Variants in BACH2 observed in about 807,000 individuals in gnomAD.
The protein encoded by BACH2 is transcription regulator protein BACH2.
BACH2 carries 5 observed loss-of-function variants against 61.8 expected under a neutral mutation model. The observed-to-expected ratio is 0.08, with a 90% CI of 0.04 to 0.17. The LOEUF (loss-of-function observed/expected upper bound fraction) is 0.17. Ranked by LOEUF, BACH2 falls within the 10% of genes least tolerant of loss-of-function variation. BACH2 has a pLI of 1.00. For synonymous variants in BACH2, 446 were observed against 440.1 expected, an observed-to-expected ratio of 1.01 and a Z score of -0.17; for missense variants, 824 against 1,091.1, an observed-to-expected ratio of 0.76 and a Z score of 3.45.
intron 4 of BACH2, among the ~76,000 whole-genome samples, chr6:90,129,782 A>G (rs769930128): frequency 6.6e-6 from 1 of 152,094 alleles, no homozygotes; most frequent in Non-Finnish European, 1.5e-5. Flanking sequence ...CTGTTGGTGT[A>G]AAGGAATGCT....
chr6:90,152,843 T>C (rs1276202506), intron 4 of BACH2, among the ~76,000 whole-genome samples: 1 of 152,208 alleles, frequency 6.6e-6, no homozygotes, highest in East Asian at 1.9e-4. Flanking sequence ...TACTGTCAGT[T>C]ATAGCGCTAA....
chr6:90,173,319 AAT>A (rs1767879798), intron 4 of BACH2, among the ~76,000 whole-genome samples: 1 of 152,192 alleles, frequency 6.6e-6, no homozygotes, highest in Admixed American at 6.5e-5. Flanking sequence ...TGAATTAAAA[AAT>A]AGACAACATA....
intron 4 of BACH2, among the ~76,000 whole-genome samples, chr6:90,197,282 A>G (rs530981265): frequency 1.1e-4 from 17 of 152,360 alleles, no homozygotes; most frequent in African/African-American, 4.1e-4. Flanking sequence ...ACTTAAATTA[A>G]TAAACTGGAT....
intron 4 of BACH2, among the ~76,000 whole-genome samples, chr6:90,090,086 T>C (rs1017134626): frequency 1.3e-5 from 2 of 152,156 alleles, no homozygotes; most frequent in African/African-American, 2.4e-5. Context: ...ATACTCAAAG[T>C]ATTGCTTCTA....
intron 4 of BACH2, among the ~76,000 whole-genome samples, chr6:90,091,914 G>A (rs1161607547): frequency 6.6e-6 from 1 of 152,038 alleles, no homozygotes; most frequent in Non-Finnish European, 1.5e-5. Context: ...TGATAATTAG[G>A]TGTCAACGCA....
intron 4 of BACH2, among the ~76,000 whole-genome samples, chr6:90,204,668 G>A (rs906849895): frequency 2.6e-5 from 4 of 152,136 alleles, no homozygotes; most frequent in African/African-American, 9.7e-5. Context: ...AGCTGTCACA[G>A]CAAACTGCAT....
At chr6:90,052,985 T>C (rs1290352722) in intron 5 of BACH2, among the ~76,000 whole-genome samples, 1 of 152,162 alleles carries the variant, frequency 6.6e-6, no homozygotes, top group East Asian at 1.9e-4. Context: ...CTTTATGTAT[T>C]TTTTCTTTCT....
Position 89,927,977 on chromosome 6 carries a change from G to C in BACH2, c.*4431C>G, listed in dbSNP as rs754725886. On this transcript the variant is annotated 3_prime_UTR_variant, in exon 9 of 9. Transcript: ENST00000257749. Reference sequence around the variant, plus strand: ...ATACACTTTCAACACACAATGCCTCGTGCACACAGATTTCCTGTATGAATA... The same window carrying C: ...ATACACTTTCAACACACAATGCCTCCTGCACACAGATTTCCTGTATGAATA... 1 of 152,252 alleles carries C rather than the reference G, an allele frequency of 6.6e-6. No homozygotes were observed. The highest frequency in any genetic ancestry group is 1.5e-5 in the Non-Finnish European group (1 of 68,034). 9.4% of individuals were successfully genotyped at this position (152,252 alleles called of 1,614,324 possible).
At position 89,951,137 on chromosome 6, in the gene BACH2, T is replaced by A; in HGVS notation, c.969A>T (p.Pro323=). The change falls in exon 7 of 9, where the codon CCA becomes CCT. Residue 323 remains proline, a synonymous_variant. Transcript: ENST00000257749. The surrounding 1 kb of genome is among the most constrained non-coding windows in gnomAD (Gnocchi z 6.4). ...QPSPAPTPTA[P]AGAACLERSR... is the part of the protein sequence containing the mutation. ...ATCTCTCCAGGCAGGCGGCCCCAGC[T>A]GGGGCCGTGGGGGTAGGGGCAGGGC... is the stretch of plus-strand genomic sequence containing the variant. 6.2e-7 allele frequency: 1 copy of A among 1,609,424 alleles called. No homozygotes were observed. Among genetic ancestry groups the A allele is most frequent in the Non-Finnish European group, 8.5e-7 (1 of 1,178,316 alleles).
At chr6:89,978,182 G>T (rs1022490798) in intron 6 of BACH2, among the ~76,000 whole-genome samples, 1 of 152,180 alleles carries the variant, frequency 6.6e-6, no homozygotes, top group African/African-American at 2.4e-5. Context: ...ATATAGAGTG[G>T]AGACAAAGAG....
intron 5 of BACH2, among the ~76,000 whole-genome samples, chr6:90,028,351 A>G (rs1362652020): frequency 6.6e-6 from 1 of 152,240 alleles, no homozygotes; most frequent in Non-Finnish European, 1.5e-5. Context: ...TTCTCATCTG[A>G]TAACATTTCC....
At chr6:90,257,639 G>A (rs941707589) in intron 2 of BACH2, among the ~76,000 whole-genome samples, 9 of 152,136 alleles carry the variant, frequency 5.9e-5, no homozygotes. Context: ...CCAAATACAT[G>A]ATTTACAATA....
chr6:90,043,512 C>T (rs1417428320), intron 5 of BACH2, among the ~76,000 whole-genome samples: 1 of 151,374 alleles, frequency 6.6e-6, no homozygotes, highest in Non-Finnish European at 1.5e-5. Context: ...CCCTTCCTCC[C>T]TCCCTTCCTC....
At position 89,951,049 on chromosome 6, in the gene BACH2, G is replaced by C; in HGVS notation, c.1057C>G (p.Leu353Val). 1.2e-6 allele frequency: 2 copies of C among 1,610,998 alleles called. No individual in the cohort carries two copies. Among genetic ancestry groups the C allele is most frequent in the South Asian group, 2.2e-5 (2 of 90,560 alleles). The change falls in exon 7 of 9, where the codon CTG becomes GTG. Residue 353 changes from leucine (L) to valine (V), a missense_variant. By Grantham distance (32) the Leu-to-Val change is conservative (BLOSUM62 1). Coordinates refer to ENST00000257749, the MANE Select transcript of BACH2 (RefSeq NM_021813.4). This position sits in a 1 kb window ranked among gnomAD's most constrained non-coding sequence, Gnocchi z 6.4. ...TGAGATGTACTGGGCAGGCCAGACA[G>C]CTCCACACTTTTCGTTATGCTGAAC... The part of the protein sequence containing the change: ...SLFSITKSVE[L>V]SGLPSTSQQH...
intron 4 of BACH2, among the ~76,000 whole-genome samples, chr6:90,106,991 C>G (rs1217185974): frequency 6.6e-6 from 1 of 150,534 alleles, no homozygotes; most frequent in Non-Finnish European, 1.5e-5. Context: ...TGTTATTTGA[C>G]ATGGTTTCAG....
chr6:90,248,871 C>T (rs1770717283), intron 3 of BACH2, among the ~76,000 whole-genome samples: 3 of 152,078 alleles, frequency 2.0e-5, no homozygotes, highest in African/African-American at 7.2e-5. Flanking sequence ...CTACCCTGTC[C>T]CAAGGGCCCA....
chr6:90,296,291 C>A (rs556130845), intron 1 of BACH2, among the ~76,000 whole-genome samples, 189 bp downstream of exon 1: 6 of 151,788 alleles, frequency 4.0e-5, no homozygotes, highest in South Asian at 2.1e-4. Context: ...CACCCCCTTC[C>A]CGTTCCTAGA....
intron 3 of BACH2, among the ~76,000 whole-genome samples, chr6:90,228,075 G>A (rs1276260154): frequency 6.6e-6 from 1 of 152,212 alleles, no homozygotes; most frequent in African/African-American, 2.4e-5. Flanking sequence ...CTGCAAAAAT[G>A]ATTTCTAGAT....
intron 5 of BACH2, among the ~76,000 whole-genome samples, chr6:90,080,329 T>C (rs1781670970): frequency 6.6e-6 from 1 of 152,154 alleles, no homozygotes; most frequent in South Asian, 2.1e-4. Flanking sequence ...CAGTATCCCC[T>C]TGCTATCCCT....
Sources: allele counts gnomAD v4.1 joint callset (sites outside exome capture counted in the v4.1 genomes callset), GRCh38; gene constraint gnomAD v4.1.1; non-coding constraint Gnocchi (gnomAD v3.1); transcripts MANE v1.5; gene names NCBI Gene and HGNC (gene_info 2026-07-23, HGNC 2026-07-21).